The following GRIK2 variants were observed in gnomAD, a reference collection of about 807,000 sequenced individuals.
The protein encoded by GRIK2 is glutamate ionotropic receptor kainate type subunit 2, also known as glutamate receptor ionotropic, kainate 2.
In GRIK2, 32 loss-of-function variants were observed where a neutral mutation model predicts 100.3. The ratio of observed to expected loss-of-function variants is 0.32; its 90% CI spans 0.24 to 0.43. The LOEUF (loss-of-function observed/expected upper bound fraction) is 0.43. Among genes scored for constraint, GRIK2 ranks in the 20% least tolerant of loss-of-function variants. The pLI, the probability that GRIK2 is intolerant of heterozygous loss-of-function variation, is 1.00. For missense variants in GRIK2, 843 were observed against 1,114.9 expected (o/e 0.76, Z 3.47); for synonymous variants, 417 against 389.4 (o/e 1.07, Z -0.83).
intron 4 of GRIK2, among the ~76,000 whole-genome samples, chr6:101,656,259 C>T (rs981023659): frequency 6.8e-6 from 1 of 147,654 alleles, no homozygotes; most frequent in Non-Finnish European, 1.5e-5. Context: ...GCTGAGATTG[C>T]ACCATTGTAC....
At chr6:102,041,861 C>G (rs1282140914) in intron 15 of GRIK2, among the ~76,000 whole-genome samples, 1 of 151,324 alleles carries the variant, frequency 6.6e-6, no homozygotes, top group Non-Finnish European at 1.5e-5. Flanking sequence ...TTAGTGGTCT[C>G]TATTTATACA....
intron 10 of GRIK2, among the ~76,000 whole-genome samples, chr6:101,845,115 G>T (rs1345097818): frequency 6.6e-6 from 1 of 151,930 alleles, no homozygotes; most frequent in East Asian, 1.9e-4. Flanking sequence ...CCAACTCCTG[G>T]CTCAAGCAGT....
intron 2 of GRIK2, among the ~76,000 whole-genome samples, chr6:101,557,459 CAA>C (rs1417532357): frequency 2.6e-5 from 4 of 152,168 alleles, no homozygotes; most frequent in African/African-American, 9.7e-5. Flanking sequence ...CTATTATGCA[CAA>C]AAGAGATGTG....
chr6:101,568,237 T>C (rs951195670), intron 2 of GRIK2, among the ~76,000 whole-genome samples: 1 of 152,152 alleles, frequency 6.6e-6, no homozygotes, highest in East Asian at 1.9e-4. Context: ...CTATAAGGCA[T>C]GTTTCTGCTC....
intron 15 of GRIK2, among the ~76,000 whole-genome samples, chr6:102,044,085 T>TTAA (rs1271701979): frequency 2.6e-5 from 4 of 151,954 alleles, no homozygotes; most frequent in Non-Finnish European, 5.9e-5. Context: ...TTGAAAGACC[T>TTAA]TAATTTTATA....
chr6:101,463,618 C>T (rs1347828447), intron 2 of GRIK2, among the ~76,000 whole-genome samples: 1 of 151,954 alleles, frequency 6.6e-6, no homozygotes, highest in Non-Finnish European at 1.5e-5. Flanking sequence ...TTTAAAATGC[C>T]ATAATTCTTT....
chr6:101,746,602 C>G (rs1776433740), intron 7 of GRIK2, among the ~76,000 whole-genome samples: 1 of 152,198 alleles, frequency 6.6e-6, no homozygotes, highest in Non-Finnish European at 1.5e-5. Context: ...GCTGGGATTA[C>G]AGGAGTTAGC....
intron 2 of GRIK2, among the ~76,000 whole-genome samples, chr6:101,614,027 G>C (rs1222147933): frequency 6.6e-6 from 1 of 151,672 alleles, no homozygotes. Context: ...GACTGCTTCA[G>C]ATGATAAGTT....
In GRIK2 at chr6:101,565,917, A is replaced by T. The variant is rs9498622; in HGVS notation, c.116-56032A>T. 3.5e-3 allele frequency among the ~76,000 whole-genome samples: 271 copies of T among 76,786 alleles called. 3 individuals carry two copies. Among genetic ancestry groups the T allele is most frequent in the African/African-American group, 0.011 (239 of 21,562 alleles). The allele number at this position is 76,786 out of a possible 152,430, so 50.4% of individuals were successfully genotyped here. ...ATCTTTATCTTTATATACCTATTTT[A>T]TATATATATATATATGTGTATATAT... On this transcript the variant is annotated intron_variant, in intron 2 of 16. Coordinates refer to ENST00000369134, the MANE Select transcript of GRIK2 (RefSeq NM_021956.5).
intron 15 of GRIK2, among the ~76,000 whole-genome samples, chr6:102,045,111 G>C (rs886983943): frequency 6.6e-6 from 1 of 151,870 alleles, no homozygotes; most frequent in African/African-American, 2.4e-5. Flanking sequence ...ATTACTTAGC[G>C]TAGCTGTGAG....
chr6:101,566,772 C>T lies in GRIK2; in HGVS notation c.116-55177C>T, dbSNP rs1440570577. ...TCTATATAAATTTTTATATAATAGA[C>T]ATATGTATGCCTATTATATATAATA... On this transcript the variant is annotated intron_variant, in intron 2 of 16. Coordinates refer to ENST00000369134, the MANE Select transcript of GRIK2 (RefSeq NM_021956.5). Among the ~76,000 whole-genome samples, 10 of 149,514 alleles carry T rather than the reference C, an allele frequency of 6.7e-5. No homozygotes were observed. In the East Asian group the frequency reaches 2.0e-3, roughly 29 times the overall value.
At chr6:101,999,772 A>AT (rs1384631692) in intron 14 of GRIK2, among the ~76,000 whole-genome samples, 1 of 152,092 alleles carries the variant, frequency 6.6e-6, no homozygotes, top group Admixed American at 6.6e-5. Context: ...GAAAACATTC[A>AT]TTTTTACATA....
intron 2 of GRIK2, among the ~76,000 whole-genome samples, chr6:101,402,397 G>C (rs981006437): frequency 2.6e-5 from 4 of 152,170 alleles, no homozygotes; most frequent in African/African-American, 9.6e-5. Flanking sequence ...TCTCTGTCCT[G>C]TTTCCCCCTT....
chr6:101,725,637 A>G (rs1358486682), intron 7 of GRIK2, among the ~76,000 whole-genome samples: 2 of 152,036 alleles, frequency 1.3e-5, no homozygotes, highest in Non-Finnish European at 2.9e-5. Context: ...CATCACCATA[A>G]GAATGGCTCA....
intron 2 of GRIK2, among the ~76,000 whole-genome samples, chr6:101,474,728 CT>C (rs11381283): frequency 0.85 from 128,925 of 151,126 alleles, 55,002 homozygotes; most frequent in East Asian, 0.91. Context: ...GAGTGGCAGG[CT>C]TTTTTTTTGT....
intron 2 of GRIK2, among the ~76,000 whole-genome samples, chr6:101,513,655 C>G (rs1411064671): frequency 1.3e-5 from 2 of 151,898 alleles, no homozygotes; most frequent in African/African-American, 4.8e-5. Flanking sequence ...TAAATAAAAC[C>G]CAACCTGTCT....
At chr6:101,478,506 GTTTT>G (rs5878666) in intron 2 of GRIK2, among the ~76,000 whole-genome samples, 2 of 119,580 alleles carry the variant, frequency 1.7e-5, no homozygotes, top group Non-Finnish European at 3.4e-5. Flanking sequence ...TTCTGTTTTG[GTTTT>G]TTTTTTTTTT....
chr6:101,848,438 C>T (rs1783930959), intron 10 of GRIK2, among the ~76,000 whole-genome samples: 1 of 151,944 alleles, frequency 6.6e-6, no homozygotes, highest in Non-Finnish European at 1.5e-5. Flanking sequence ...AAATTTGAAC[C>T]TCTAGTCTAC....
intron 14 of GRIK2, among the ~76,000 whole-genome samples, chr6:101,937,238 G>A (rs1414962846): frequency 6.6e-6 from 1 of 152,096 alleles, no homozygotes; most frequent in Non-Finnish European, 1.5e-5. Context: ...ACACTAGTAT[G>A]CTATGGTTCT....
Sources: gnomAD v4.1 joint callset for allele counts (sites outside exome capture counted in the v4.1 genomes callset) on GRCh38, gnomAD v4.1.1 for gene constraint, MANE v1.5 for transcripts, NCBI Gene and HGNC (gene_info 2026-07-23, HGNC 2026-07-21) for gene names.